NCALD: variants seen among roughly 807,000 people sequenced by gnomAD.
NCALD encodes neurocalcin delta, also known as neurocalcin-delta.
A neutral mutation model predicts 18.6 loss-of-function variants in NCALD; 10 were observed. The ratio of observed to expected loss-of-function variants is 0.54; its 90% CI spans 0.33 to 0.91. The LOEUF is 0.91. Ranked by LOEUF, NCALD falls within the 40% of genes least tolerant of loss-of-function variation. The pLI, the probability that NCALD is intolerant of heterozygous loss-of-function variation, is 0.03. For synonymous variants in NCALD, 88 were observed against 87.4 expected (o/e 1.01, Z -0.04); for missense variants, 184 against 247.6 (o/e 0.74, Z 1.72).
intron 4 of NCALD, among the ~76,000 whole-genome samples, chr8:101,856,118 T>C (rs1013669975): frequency 2.0e-5 from 3 of 152,164 alleles, no homozygotes; most frequent in African/African-American, 7.2e-5. Flanking sequence ...CTGGATCAAC[T>C]ACAGCAGCTC....
intron 3 of NCALD, among the ~76,000 whole-genome samples, chr8:101,910,374 T>G (rs1817750792): frequency 7.2e-6 from 1 of 138,404 alleles, no homozygotes; most frequent in Non-Finnish European, 1.5e-5. Context: ...AGTGCTGAGG[T>G]CGCCAGAAAA....
At chr8:102,021,726 T>A (rs191465577) in intron 1 of NCALD, among the ~76,000 whole-genome samples, 1 of 152,170 alleles carries the variant, frequency 6.6e-6, no homozygotes, top group East Asian at 1.9e-4. Flanking sequence ...CCCTAACTAC[T>A]TTTTTGTCCT....
chr8:101,932,114 C>G (rs1818597728), intron 2 of NCALD, among the ~76,000 whole-genome samples: 2 of 152,248 alleles, frequency 1.3e-5, no homozygotes, highest in African/African-American at 4.8e-5. Context: ...GAAGGCAGAT[C>G]GAGGTGAGTG....
At position 101,939,101 on chromosome 8, in the gene NCALD, A is replaced by G. The variant is rs778154846; in HGVS notation, c.-156-23243T>C. 3.3e-5 allele frequency among the ~76,000 whole-genome samples: 5 copies of G among 152,346 alleles called. No homozygotes were observed. The East Asian group carries it at 9.6e-4, about 29-fold the overall frequency. ...CTGAGGCCAAAAGAAAAAGTCTTCT[A>G]CTTTAGTCAATGAGTACCCACAGTC... On this transcript the variant is annotated intron_variant, in intron 2 of 6. Transcript: ENST00000311028.
At chr8:101,992,098 C>T (rs958261968) in intron 2 of NCALD, among the ~76,000 whole-genome samples, 5 of 152,284 alleles carry the variant, frequency 3.3e-5, no homozygotes, top group South Asian at 2.1e-4. Flanking sequence ...TTATGAAAGT[C>T]GCATGGGAAC....
At chr8:102,118,433 G>A (rs542479251) in intron 1 of NCALD, among the ~76,000 whole-genome samples, 10 of 152,340 alleles carry the variant, frequency 6.6e-5, no homozygotes, top group African/African-American at 2.4e-4. Flanking sequence ...ACTGCCTTCT[G>A]AGCAGTTCAT....
At chr8:101,964,995 C>A (rs1819968752) in intron 2 of NCALD, among the ~76,000 whole-genome samples, 1 of 151,952 alleles carries the variant, frequency 6.6e-6, no homozygotes, top group Admixed American at 6.6e-5. Context: ...TTTACGCAGC[C>A]AACAAACATA....
chr8:101,940,642 A>G (rs1314650010), intron 2 of NCALD, among the ~76,000 whole-genome samples: 1 of 152,224 alleles, frequency 6.6e-6, no homozygotes, highest in Admixed American at 6.5e-5. Flanking sequence ...ACACAGTACA[A>G]TGAACACAGC....
chr8:101,887,454 T>A (rs1423042697), intron 3 of NCALD, among the ~76,000 whole-genome samples: 2 of 151,824 alleles, frequency 1.3e-5, no homozygotes, highest in Non-Finnish European at 2.9e-5. Context: ...CTCCAAAGAG[T>A]AGGAATCAGC....
At chr8:101,744,204 C>G (rs1055309247) in intron 1 of NCALD, among the ~76,000 whole-genome samples, 1 of 152,232 alleles carries the variant, frequency 6.6e-6, no homozygotes, top group Admixed American at 6.5e-5. Context: ...GTCCAGCCCC[C>G]TCAGTCCCCT....
chr8:101,849,789 TG>T (rs1276696756), intron 4 of NCALD, among the ~76,000 whole-genome samples: 1 of 152,196 alleles, frequency 6.6e-6, no homozygotes, highest in Non-Finnish European at 1.5e-5. Flanking sequence ...CTTTTATCTT[TG>T]CTGCCATGAC....
chr8:101,767,102 C>A (rs916623411), intron 1 of NCALD, among the ~76,000 whole-genome samples: 3 of 152,190 alleles, frequency 2.0e-5, no homozygotes, highest in Admixed American at 6.5e-5. Flanking sequence ...TAGAGACAGG[C>A]AGACCTGGCT....
chr8:101,758,266 C>A (rs1810968423), intron 1 of NCALD, among the ~76,000 whole-genome samples: 1 of 152,202 alleles, frequency 6.6e-6, no homozygotes, highest in Admixed American at 6.5e-5. Flanking sequence ...CCTGCTCCAA[C>A]TCCACAGAAA....
intron 2 of NCALD, among the ~76,000 whole-genome samples, chr8:101,954,484 C>G (rs897121205): frequency 6.6e-6 from 1 of 152,210 alleles, no homozygotes; most frequent in African/African-American, 2.4e-5. Context: ...TTCATTCTCT[C>G]TACCTCTAAT....
At chr8:102,025,746 C>T (rs1239639044) in intron 1 of NCALD, among the ~76,000 whole-genome samples, 3 of 152,088 alleles carry the variant, frequency 2.0e-5, no homozygotes, top group South Asian at 2.1e-4. Context: ...TTAAGTATAA[C>T]AAAAGGTGTG....
chr8:101,911,338 TTC>T (rs1817788282), intron 3 of NCALD, among the ~76,000 whole-genome samples: 1 of 149,700 alleles, frequency 6.7e-6, no homozygotes. Context: ...TCTTATGAAT[TTC>T]TCTTTTCTTT....
intron 1 of NCALD, among the ~76,000 whole-genome samples, chr8:101,749,804 T>C (rs1262018928): frequency 6.6e-6 from 1 of 152,160 alleles, no homozygotes; most frequent in Non-Finnish European, 1.5e-5. Context: ...ATATTCCCTC[T>C]ATCTCTCTCT....
At chr8:101,848,469 G>A (rs1814959845) in intron 4 of NCALD, among the ~76,000 whole-genome samples, 1 of 152,132 alleles carries the variant, frequency 6.6e-6, no homozygotes, top group African/African-American at 2.4e-5. Flanking sequence ...GGACCCCTCA[G>A]AAGATCCATA....
At chr8:101,940,008 G>A (rs572114196) in intron 2 of NCALD, among the ~76,000 whole-genome samples, 17 of 152,210 alleles carry the variant, frequency 1.1e-4, no homozygotes, top group African/African-American at 2.9e-4. Context: ...ATATAAGAGC[G>A]GCTTTTAAGA....
Sources: gnomAD v4.1 joint callset for allele counts (sites outside exome capture counted in the v4.1 genomes callset) on GRCh38, gnomAD v4.1.1 for gene constraint, MANE v1.5 for transcripts, NCBI Gene and HGNC (gene_info 2026-07-23, HGNC 2026-07-21) for gene names.